The following MRTFB variants were observed in gnomAD, a reference collection of about 807,000 sequenced individuals.
MRTFB encodes myocardin-related transcription factor B.
A neutral mutation model predicts 104.2 loss-of-function variants in MRTFB; 29 were observed. The ratio of observed to expected loss-of-function variants is 0.28; its 90% CI spans 0.21 to 0.38. The LOEUF (loss-of-function observed/expected upper bound fraction) is 0.38. Among genes scored for constraint, MRTFB ranks in the 10% least tolerant of loss-of-function variants. The pLI, the probability that MRTFB is intolerant of heterozygous loss-of-function variation, is 1.00. For synonymous variants in MRTFB, 535 were observed against 519.5 expected (o/e 1.03, Z -0.41); for missense variants, 1,270 against 1,341.6 (o/e 0.95, Z 0.83).
intron 3 of MRTFB, among the ~76,000 whole-genome samples, chr16:14,174,670 G>A (rs1453359337): frequency 6.6e-6 from 1 of 152,120 alleles, no homozygotes; most frequent in Non-Finnish European, 1.5e-5. Context: ...GCCACAGAGT[G>A]AAACTTTGCT....
the MRTFB span, among the ~76,000 whole-genome samples, chr16:14,033,749 T>C: frequency 1.4e-5 from 2 of 147,998 alleles, no homozygotes; most frequent in Admixed American, 6.8e-5. Flanking sequence ...AGGCAGGAAA[T>C]TGCTTGAACC....
At chr16:14,001,010 A>G in the MRTFB span, among the ~76,000 whole-genome samples, 34,115 of 152,236 alleles carry the variant, frequency 0.22, 4,309 homozygotes, top group African/African-American at 0.31. Flanking sequence ...TAAATGTTGG[A>G]GCTTCCTGTG....
At chr16:14,253,911 C>T (rs994951721) in intron 15 of MRTFB, among the ~76,000 whole-genome samples, 7 of 152,252 alleles carry the variant, frequency 4.6e-5, no homozygotes, top group South Asian at 4.1e-4. Flanking sequence ...ACACTCCTCC[C>T]TCATGGTCCA....
chr16:13,998,669 T>G, the MRTFB span, among the ~76,000 whole-genome samples: 1 of 138,818 alleles, frequency 7.2e-6, no homozygotes, highest in Non-Finnish European at 1.6e-5. Context: ...AAAGAGAAGG[T>G]GAAGGAGGAA....
Position 14,247,463 on chromosome 16 carries a change from A to C in MRTFB, c.2203A>C (p.Ser735Arg), listed in dbSNP as rs1032152576. Residue 735 changes from serine to arginine, a missense_variant, in exon 12 of 17, where the codon AGT becomes CGT. Ser to Arg is a moderately radical substitution (Grantham distance 110, BLOSUM62 -1). Around this residue, in one of 3 missense-constraint regions of MRTFB, gnomAD observed 1,144 missense variants for 1,131.5 expected, o/e 1.01. Transcript: ENST00000571589. ...LLLPVSIQGS[S>R]VTSVQLPVGS... ...GCTCCCAGTGTCCATCCAGGGCTCG[A>C]GTGTCACCTCAGTGCAACTCCCTGT... 6.9e-6 allele frequency: 11 copies of C among 1,590,124 alleles called. No individual in the cohort carries two copies. The highest frequency in any genetic ancestry group is 9.4e-6 in the Non-Finnish European group (11 of 1,172,740).
intron 1 of MRTFB, among the ~76,000 whole-genome samples, chr16:14,073,219 T>G (rs1213892917): frequency 1.3e-5 from 2 of 152,216 alleles, no homozygotes; most frequent in East Asian, 3.8e-4. Context: ...TGCCCGTTCA[T>G]TTGAAAGACT....
At chr16:14,133,668 T>A (rs756869361) in intron 2 of MRTFB, among the ~76,000 whole-genome samples, 1 of 152,200 alleles carries the variant, frequency 6.6e-6, no homozygotes, top group African/African-American at 2.4e-5. Flanking sequence ...GAGTACAATA[T>A]ATTTTTTATC....
At chr16:14,023,728 G>C in the MRTFB span, among the ~76,000 whole-genome samples, 2 of 151,476 alleles carry the variant, frequency 1.3e-5, no homozygotes. Flanking sequence ...GAGTGAATAA[G>C]TTTACATATG....
intron 3 of MRTFB, among the ~76,000 whole-genome samples, chr16:14,186,475 T>C (rs1177914862): frequency 6.6e-6 from 1 of 152,346 alleles, no homozygotes; most frequent in East Asian, 1.9e-4. Flanking sequence ...GCAATTTGTC[T>C]TCTTAGGTAT....
chr16:14,234,530 A>T (rs901565988), intron 9 of MRTFB, among the ~76,000 whole-genome samples: 1 of 152,178 alleles, frequency 6.6e-6, no homozygotes. Flanking sequence ...GCAGTGGCTT[A>T]CCTCTGTAAT....
rs371983855 is a variant in MRTFB at position 14,173,750 on chromosome 16, G to A, written c.154+32990G>A. On this transcript the variant is annotated intron_variant, in intron 3 of 16. Transcript: ENST00000571589. ...TCATCACATGGGTCACTGAGGCTCT[G>A]TTCTTTGTTTTTTAATCTTTTTCCT... Among the ~76,000 whole-genome samples, 4 of 152,144 alleles carry A rather than the reference G, an allele frequency of 2.6e-5. No homozygotes were observed. The East Asian group carries it at 7.7e-4, about 29-fold the overall frequency.
At position 14,261,112 on chromosome 16, in the gene MRTFB, T is replaced by C; in HGVS notation, c.2968T>C (p.Leu990=). The change falls in exon 17 of 17, where the codon TTA becomes CTA. Residue 990 remains leucine, a synonymous_variant. Coordinates refer to ENST00000571589, the MANE Select transcript of MRTFB (RefSeq NM_001308142.2). The stretch of plus-strand genomic sequence containing the variant: ...ACTAGAAGCTTTCTTGGATGGAACT[T>C]TACCCTCAGCCAATGAAATTCCTCC... The part of the protein sequence containing the change: ...NQLEAFLDGT[L]PSANEIPPLQ... The C allele has an allele frequency of 6.2e-7, 1 of 1,614,122 alleles. No individual in the cohort carries two copies. Among genetic ancestry groups the C allele is most frequent in the Non-Finnish European group, 8.5e-7 (1 of 1,180,022 alleles).
chr16:14,248,909 T>G lies in MRTFB; in HGVS notation c.2248-17T>G, dbSNP rs143623668. ...TTCTGACAATTAAATTGATGTTTTT[T>G]TCAATTCACCTCCTAGACTTCACCA... On this transcript the variant is annotated splice_polypyrimidine_tract_variant and intron_variant, in intron 12 of 16. Transcript: ENST00000571589. The G allele has an allele frequency of 6.3e-3, 10,108 of 1,609,112 alleles. 41 individuals carry two copies. Among genetic ancestry groups the G allele is most frequent in the Non-Finnish European group, 8.1e-3 (9,533 of 1,177,882 alleles).
chr16:14,119,886 TC>T (rs2036752563), intron 2 of MRTFB, among the ~76,000 whole-genome samples: 1 of 152,090 alleles, frequency 6.6e-6, no homozygotes, highest in Non-Finnish European at 1.5e-5. Context: ...GTCCTACATT[TC>T]CTCAGCTTCA....
At chr16:14,051,983 A>G in the MRTFB span, among the ~76,000 whole-genome samples, 2 of 152,068 alleles carry the variant, frequency 1.3e-5, no homozygotes, top group Admixed American at 6.6e-5. Flanking sequence ...AGACCTTCCA[A>G]TCTGGTCTCT....
chr16:14,083,390 G>A (rs2034520826), intron 2 of MRTFB, among the ~76,000 whole-genome samples: 1 of 152,110 alleles, frequency 6.6e-6, no homozygotes, highest in African/African-American at 2.4e-5. Context: ...TGCTGTAGTT[G>A]GCTGGCAGTG....
chr16:14,005,254 T>A, the MRTFB span, among the ~76,000 whole-genome samples: 4 of 152,232 alleles, frequency 2.6e-5, no homozygotes, highest in Non-Finnish European at 4.4e-5. Context: ...AAGCCTTTGG[T>A]TCCCTTGGCT....
intron 3 of MRTFB, among the ~76,000 whole-genome samples, chr16:14,172,416 T>G (rs1420032138): frequency 6.6e-6 from 1 of 152,242 alleles, no homozygotes; most frequent in African/African-American, 2.4e-5. Context: ...GTACCATAGT[T>G]TTATTCAGCC....
rs372762025 is a variant in MRTFB at position 14,228,446 on chromosome 16, G to A, written c.694-5700G>A. 3.2e-4 allele frequency among the ~76,000 whole-genome samples: 49 copies of A among 152,148 alleles called. No homozygotes were observed. The South Asian group carries it at 7.1e-3, about 22-fold the overall frequency. On this transcript the variant is annotated intron_variant, in intron 8 of 16. Transcript: ENST00000571589. ...AAAAATTAGCTGGGCGTGGTGGTAC[G>A]TGCCTGTAATCCCAGCTACTCAGGA...
Sources: allele counts gnomAD v4.1 joint callset (sites outside exome capture counted in the v4.1 genomes callset), GRCh38; gene constraint gnomAD v4.1.1; regional missense constraint gnomAD v4.1.1; transcripts MANE v1.5; gene names NCBI Gene and HGNC (gene_info 2026-07-23, HGNC 2026-07-21).